Variants in DNM3 observed in about 807,000 individuals in gnomAD.
DNM3 encodes dynamin-3.
In DNM3, 47 loss-of-function variants were observed where a neutral mutation model predicts 101.6. The observed-to-expected ratio is 0.46, with a 90% CI of 0.37 to 0.59. The LOEUF is 0.59. DNM3 is among the 20% of genes least tolerant of loss of function. The pLI, the probability that DNM3 is intolerant of heterozygous loss-of-function variation, is 0.00. For synonymous variants in DNM3, 385 were observed against 387.9 expected (o/e 0.99, Z 0.09); for missense variants, 849 against 1,085.7 (o/e 0.78, Z 3.06).
At chr1:171,932,082 C>CCCTCCCTTCCTCCCTTCTTCCCTT (rs2041066740) in intron 2 of DNM3, among the ~76,000 whole-genome samples, 1 of 130,758 alleles carries the variant, frequency 7.6e-6, no homozygotes, top group Non-Finnish European at 1.6e-5. Context: ...CTCCCTCCCT[C>CCCTCCCTTCCTCCCTTCTTCCCTT]CCTCCCTTCC....
At chr1:171,853,351 G>C (rs888330459) in intron 1 of DNM3, among the ~76,000 whole-genome samples, 13 of 152,032 alleles carry the variant, frequency 8.6e-5, no homozygotes, top group African/African-American at 3.1e-4. Context: ...ATTTTTTGTA[G>C]ACACAGGGTC....
chr1:172,156,337 C>A (rs2058337728), intron 14 of DNM3, among the ~76,000 whole-genome samples: 1 of 152,092 alleles, frequency 6.6e-6, no homozygotes, highest in Non-Finnish European at 1.5e-5. Flanking sequence ...CCATCCCCAT[C>A]CTATCCTATG....
At chr1:172,078,644 T>C (rs138427685) in intron 11 of DNM3, among the ~76,000 whole-genome samples, 1,768 of 152,286 alleles carry the variant, frequency 0.012, 45 homozygotes, top group African/African-American at 0.04. Flanking sequence ...TATTGTTATG[T>C]GTGAATTTGA....
At chr1:172,227,304 A>ATATATATATATATATC (rs1215756972) in intron 14 of DNM3, among the ~76,000 whole-genome samples, 3 of 131,536 alleles carry the variant, frequency 2.3e-5, no homozygotes, top group Non-Finnish European at 3.2e-5. Context: ...ATATATATAT[A>ATATATATATATATATC]TCACATTTTC....
intron 18 of DNM3, chr1:172,386,883 CTTCTTCT>C: frequency 2.3e-6 from 1 of 435,700 alleles, no homozygotes; most frequent in Non-Finnish European, 4.2e-6. Context: ...TGGGTTTGGC[CTTCTTCT>C]ACTCATCTCT....
chr1:171,901,573 A>C (rs12032897), intron 1 of DNM3, among the ~76,000 whole-genome samples: 102 of 151,910 alleles, frequency 6.7e-4, no homozygotes, highest in Non-Finnish European at 8.1e-4. Context: ...CGAAGGAGGG[A>C]CAGACATGTC....
rs549819911 is a variant in DNM3 at position 172,027,088 on chromosome 1, T to C, written c.590-5314T>C. On this transcript the variant is annotated intron_variant, in intron 4 of 20. Coordinates refer to ENST00000627582, the MANE Select transcript of DNM3 (RefSeq NM_015569.5). The stretch of plus-strand genomic sequence containing the variant: ...GGACTGCCTTACTCTTAAGAGCTCC[T>C]GAAGGGAGCACTAAATATGGAAAGG... Among the ~76,000 whole-genome samples, 33 of 152,282 alleles carry C rather than the reference T, an allele frequency of 2.2e-4. 1 individual carries two copies. The East Asian group carries it at 6.2e-3, about 28-fold the overall frequency.
intron 6 of DNM3, among the ~76,000 whole-genome samples, chr1:172,035,492 G>A (rs1046463182): frequency 1.3e-5 from 2 of 152,068 alleles, no homozygotes; most frequent in South Asian, 4.1e-4. Context: ...TGGCAAAGAG[G>A]GTGAATTGTC....
At chr1:172,297,305 TATA>T (rs1485741237) in intron 15 of DNM3, among the ~76,000 whole-genome samples, 1 of 152,144 alleles carries the variant, frequency 6.6e-6, no homozygotes, top group African/African-American at 2.4e-5. Flanking sequence ...TAGGGTTGCA[TATA>T]ATATTTTAAT....
intron 13 of DNM3, among the ~76,000 whole-genome samples, chr1:172,124,605 T>C (rs932157425): frequency 3.9e-5 from 6 of 152,210 alleles, no homozygotes; most frequent in Non-Finnish European, 2.9e-5. Flanking sequence ...AAGCATGTGC[T>C]TAGGAGAAGA....
At chr1:172,320,107 C>T (rs12724418) in intron 16 of DNM3, among the ~76,000 whole-genome samples, 147,641 of 151,384 alleles carry the variant, frequency 0.98, 72,003 homozygotes, top group East Asian at 1. Flanking sequence ...TTGGAAATCA[C>T]CATTCTCAGT....
intron 15 of DNM3, among the ~76,000 whole-genome samples, chr1:172,258,828 A>T (rs1205557206): frequency 2.6e-5 from 4 of 151,656 alleles, no homozygotes. Context: ...GTTCCTTGAG[A>T]TCCATCATTG....
At chr1:172,010,290 A>T (rs1429644035) in intron 4 of DNM3, among the ~76,000 whole-genome samples, 1 of 151,950 alleles carries the variant, frequency 6.6e-6, no homozygotes, top group Non-Finnish European at 1.5e-5. Flanking sequence ...TATTATTTGC[A>T]AAGGTTTTTT....
chr1:171,860,314 A>T (rs2034042431), intron 1 of DNM3, among the ~76,000 whole-genome samples: 1 of 152,168 alleles, frequency 6.6e-6, no homozygotes, highest in South Asian at 2.1e-4. Flanking sequence ...GTGAACTTTA[A>T]ATATAGATCA....
At chr1:172,323,237 C>T in intron 16 of DNM3, 92 bp from the exon 17 acceptor site, 1 of 1,307,864 alleles carries the variant, frequency 7.6e-7, no homozygotes, top group Non-Finnish European at 1.0e-6. Context: ...TTTTTAATAT[C>T]CAGAGAAAGT....
Position 172,412,626 on chromosome 1 carries a change from A to C in DNM3, c.*4785A>C, listed in dbSNP as rs1431264096. 1 of 985,778 alleles carries C rather than the reference A, an allele frequency of 1.0e-6. No individual in the cohort carries two copies. Among genetic ancestry groups the C allele is most frequent in the African/African-American group, 1.7e-5 (1 of 57,250 alleles). 61.1% of individuals were successfully genotyped at this position (985,778 alleles called of 1,614,324 possible). A position where few individuals can be genotyped will look rare whatever the true frequency, so the allele number is the denominator to read the frequency against. ...ATGGAATTTTTGAAGAAAAATCTCA[A>C]AGCCTGTATCGTTCTTGAAGGTCAC... is the stretch of plus-strand genomic sequence containing the variant. On this transcript the variant is annotated 3_prime_UTR_variant, in exon 21 of 21. Coordinates refer to ENST00000627582, the MANE Select transcript of DNM3 (RefSeq NM_015569.5).
At chr1:171,929,731 C>A (rs1439022878) in intron 2 of DNM3, among the ~76,000 whole-genome samples, 1 of 152,134 alleles carries the variant, frequency 6.6e-6, no homozygotes, top group Non-Finnish European at 1.5e-5. Flanking sequence ...TTTCAAGTCT[C>A]TGTTGGCCAG....
At chr1:172,132,904 C>T (rs1037446578) in intron 14 of DNM3, 20 of 1,064,944 alleles carry the variant, frequency 1.9e-5, no homozygotes, top group Admixed American at 1.2e-4. Context: ...TTAGTCTTGG[C>T]GAGGATAACC....
chr1:172,190,353 T>C (rs1357395357), intron 14 of DNM3, among the ~76,000 whole-genome samples: 6 of 152,174 alleles, frequency 3.9e-5, no homozygotes, highest in Non-Finnish European at 8.8e-5. Flanking sequence ...CATCCTTTTT[T>C]ATGGCTGCAT....
Sources: gnomAD v4.1 joint callset for allele counts (sites outside exome capture counted in the v4.1 genomes callset) on GRCh38, gnomAD v4.1.1 for gene constraint, MANE v1.5 for transcripts, NCBI Gene and HGNC (gene_info 2026-07-23, HGNC 2026-07-21) for gene names.